MICAL3: variants seen among roughly 807,000 people sequenced by gnomAD.
MICAL3 encodes microtubule associated monooxygenase, calponin and LIM domain containing 3.
MICAL3 carries 62 observed loss-of-function variants against 207.4 expected under a neutral mutation model. The observed-to-expected ratio is 0.30, with a 90% CI of 0.24 to 0.37. The LOEUF is 0.37. Among genes scored for constraint, MICAL3 ranks in the 10% least tolerant of loss-of-function variants. The pLI, the probability that MICAL3 is intolerant of heterozygous loss-of-function variation, is 1.00. For missense variants in MICAL3, 2,368 were observed against 2,635.6 expected, an observed-to-expected ratio of 0.90 and a Z score of 2.22; for synonymous variants, 1,077 against 1,069.3, an observed-to-expected ratio of 1.01 and a Z score of -0.14.
chr22:17,870,809 T>C (rs899913242), intron 17 of MICAL3, among the ~76,000 whole-genome samples: 3 of 152,172 alleles, frequency 2.0e-5, no homozygotes, highest in African/African-American at 7.2e-5. Context: ...TTTACCAACA[T>C]AGCAGAAGGG....
chr22:17,924,134 A>G (rs921038319), intron 1 of MICAL3, among the ~76,000 whole-genome samples: 4 of 152,196 alleles, frequency 2.6e-5, no homozygotes, highest in Non-Finnish European at 5.9e-5. Flanking sequence ...GGTCCCTCCC[A>G]CGACACGTGG....
chr22:17,898,666 T>C (rs762350347), intron 7 of MICAL3, among the ~76,000 whole-genome samples: 1 of 152,218 alleles, frequency 6.6e-6, no homozygotes, highest in Non-Finnish European at 1.5e-5. Flanking sequence ...TCTCATCGCA[T>C]GGGGACAGTG....
At position 17,821,416 on chromosome 22, in the gene MICAL3, C is replaced by G. The variant is rs951411398; in HGVS notation, c.3531+11G>C. On this transcript the variant is annotated intron_variant, in intron 25 of 31. Transcript: ENST00000441493. ...GTTCTCTGTACCCCACAGCGAGCCC[C>G]AAACCCTTACCTCTGTTGAGGGGCT... The G allele has an allele frequency of 6.5e-7, 1 of 1,540,768 alleles. No individual in the cohort carries two copies.
At chr22:17,889,271 C>T (rs1930199785) in intron 12 of MICAL3, 41 bp from the exon 13 acceptor site, 1 of 1,480,066 alleles carries the variant, frequency 6.8e-7, no homozygotes, top group African/African-American at 1.4e-5. Flanking sequence ...GATAGGTTGA[C>T]AGTCCTTAAA....
At position 17,821,482 on chromosome 22, in the gene MICAL3, C is replaced by A. The variant is rs200224924; in HGVS notation, c.3476G>T (p.Arg1159Leu). 2 of 1,541,772 alleles carry A rather than the reference C, an allele frequency of 1.3e-6. No individual in the cohort carries two copies. Among genetic ancestry groups the A allele is most frequent in the South Asian group, 2.4e-5 (2 of 82,398 alleles). Reference protein sequence around the residue: ...RGPSQATSPIRSPQESALLFI... With the variant: ...RGPSQATSPILSPQESALLFI... The stretch of plus-strand genomic sequence containing the variant: ...CAGAAGAGCTGATTCCTGGGGAGAC[C>A]GGATGGGGCTGGTGGCTTGGGAGGG... The change falls in exon 25 of 32, where the codon CGG becomes CTG. Residue 1159 changes from arginine (R) to leucine (L), a missense_variant. Coordinates refer to ENST00000441493, the MANE Select transcript of MICAL3 (RefSeq NM_015241.3).
At chr22:17,843,920 C>T (rs1244030208) in intron 19 of MICAL3, among the ~76,000 whole-genome samples, 1 of 152,088 alleles carries the variant, frequency 6.6e-6, no homozygotes, top group Non-Finnish European at 1.5e-5. Context: ...GATCTCTGCT[C>T]ACTGCAACCT....
intron 19 of MICAL3, among the ~76,000 whole-genome samples, chr22:17,849,595 A>G (rs958966805): frequency 6.7e-6 from 1 of 148,216 alleles, no homozygotes; most frequent in South Asian, 2.1e-4. Context: ...CTGACTTCCC[A>G]AAGTGTTGGG....
At position 17,997,706 on chromosome 22, in the gene MICAL3, C is replaced by T. The variant is rs1199614458; in HGVS notation, c.-75+26575G>A. 2.0e-5 allele frequency among the ~76,000 whole-genome samples: 3 copies of T among 152,174 alleles called. No homozygotes were observed. In the East Asian group the frequency reaches 5.8e-4, roughly 29 times the overall value. ...CTTTCAGTCAAGGCTTTGTCACTCACTATCACTCCCTTGACCTAGGACCTC... is the reference window on the plus strand; with the variant it reads ...CTTTCAGTCAAGGCTTTGTCACTCATTATCACTCCCTTGACCTAGGACCTC... On this transcript the variant is annotated intron_variant, in intron 1 of 31. Transcript: ENST00000441493.
chr22:17,924,522 C>T (rs1932870904), intron 1 of MICAL3, among the ~76,000 whole-genome samples: 1 of 152,142 alleles, frequency 6.6e-6, no homozygotes. Flanking sequence ...TGAGCATCAA[C>T]AGGACACTCA....
At chr22:17,803,947 G>A in intron 29 of MICAL3, 2 of 575,406 alleles carry the variant, frequency 3.5e-6, no homozygotes, top group Non-Finnish European at 4.4e-6. Context: ...ATGATATGGA[G>A]CAATCAATGA....
At chr22:17,955,314 T>C (rs961470351) in intron 1 of MICAL3, among the ~76,000 whole-genome samples, 4 of 152,178 alleles carry the variant, frequency 2.6e-5, no homozygotes, top group Non-Finnish European at 5.9e-5. Flanking sequence ...CTGCAGCCTG[T>C]TCCATCCTAA....
intron 1 of MICAL3, among the ~76,000 whole-genome samples, chr22:17,936,411 AC>A (rs1297576760): frequency 6.6e-6 from 1 of 152,020 alleles, no homozygotes; most frequent in Non-Finnish European, 1.5e-5. Flanking sequence ...AACACCACAC[AC>A]CAGGGCCTGT....
chr22:17,997,050 CTTTTTTTTTTTT>C (rs71716810), intron 1 of MICAL3, among the ~76,000 whole-genome samples: 6 of 75,516 alleles, frequency 7.9e-5, no homozygotes, highest in African/African-American at 2.2e-4. Context: ...CCCATCTAGT[CTTTTTTTTTTTT>C]TTTTTTTTTT....
intron 1 of MICAL3, among the ~76,000 whole-genome samples, chr22:17,963,517 G>A (rs962117017): frequency 4.6e-5 from 7 of 151,952 alleles, no homozygotes; most frequent in Admixed American, 3.3e-4. Context: ...GGCCTCCGTC[G>A]CCGGTTCCTT....
chr22:17,982,665 CA>C (rs1935967426), intron 1 of MICAL3, among the ~76,000 whole-genome samples: 1 of 141,144 alleles, frequency 7.1e-6, no homozygotes, highest in Non-Finnish European at 1.5e-5. Context: ...AGTAAGACTT[CA>C]TCTCAAAAAA....
In MICAL3 at chr22:17,811,018, C is replaced by G. The variant is rs757999893; in HGVS notation, c.5446-205G>C. ...AGAAGGCATGAGGTCTGCAGAGTCC[C>G]CAGCCTGCAGCAGCCCTCAGTGCCA... On this transcript the variant is annotated intron_variant, in intron 27 of 31. Coordinates refer to ENST00000441493, the MANE Select transcript of MICAL3 (RefSeq NM_015241.3). The G allele has an allele frequency of 1.9e-4, 105 of 540,822 alleles. No individual in the cohort carries two copies. In the Middle Eastern group the frequency reaches 2.0e-3, roughly 10 times the overall value. The allele number at this position is 540,822 out of a possible 1,614,324, so 33.5% of individuals were successfully genotyped here.
At chr22:17,966,664 T>C (rs955439433) in intron 1 of MICAL3, among the ~76,000 whole-genome samples, 1 of 152,092 alleles carries the variant, frequency 6.6e-6, no homozygotes, top group Admixed American at 6.5e-5. Flanking sequence ...CTGCCAATGG[T>C]GATAAAGACA....
chr22:17,903,189 C>T (rs750209332), intron 3 of MICAL3, among the ~76,000 whole-genome samples: 2 of 152,230 alleles, frequency 1.3e-5, no homozygotes, highest in Non-Finnish European at 2.9e-5. Flanking sequence ...TCTTTCAGCC[C>T]ATTCCCTGGT....
chr22:17,873,992 A>C (rs1927993628), intron 16 of MICAL3, among the ~76,000 whole-genome samples: 1 of 152,190 alleles, frequency 6.6e-6, no homozygotes, highest in African/African-American at 2.4e-5. Context: ...GGATGCCAAC[A>C]GCCCCCTTAG....
Sources: allele counts gnomAD v4.1 joint callset (sites outside exome capture counted in the v4.1 genomes callset), GRCh38; gene constraint gnomAD v4.1.1; transcripts MANE v1.5; gene names NCBI Gene and HGNC (gene_info 2026-07-23, HGNC 2026-07-21).